Variants in LRP1B observed in about 807,000 individuals in gnomAD.
The protein encoded by LRP1B is low-density lipoprotein receptor-related protein 1B.
In LRP1B, 217 loss-of-function variants were observed where a neutral mutation model predicts 556.6. The observed-to-expected ratio is 0.39, with a 90% CI of 0.35 to 0.44. The LOEUF (loss-of-function observed/expected upper bound fraction) is 0.44, where lower values mean the gene tolerates loss of function less well. Among genes scored for constraint, LRP1B ranks in the 20% least tolerant of loss-of-function variants. LRP1B has a pLI of 1.00. For missense variants in LRP1B, 5,053 were observed against 5,620.8 expected, an observed-to-expected ratio of 0.90 and a Z score of 3.23; for synonymous variants, 2,047 against 1,865.8, an observed-to-expected ratio of 1.10 and a Z score of -2.50.
chr2:140,982,386 A>T (rs999285597), intron 17 of LRP1B, 110 bp from the exon 18 acceptor site: 1 of 647,826 alleles, frequency 1.5e-6, no homozygotes, highest in Admixed American at 2.7e-5. Flanking sequence ...ATGTTTCTCT[A>T]TTAAAATAAA....
intron 23 of LRP1B, 135 bp downstream of exon 23, chr2:140,902,785 A>C: frequency 1.1e-6 from 1 of 910,426 alleles, no homozygotes; most frequent in Non-Finnish European, 1.6e-6. Context: ...AGTAGGTCTA[A>C]AATAACACAT....
At chr2:140,660,181 C>G (rs1685041188) in intron 41 of LRP1B, among the ~76,000 whole-genome samples, 1 of 151,742 alleles carries the variant, frequency 6.6e-6, no homozygotes, top group Non-Finnish European at 1.5e-5. Context: ...TTTTTTTCAA[C>G]TTTTAAAGTA....
intron 1 of LRP1B, among the ~76,000 whole-genome samples, chr2:142,081,559 GAGA>G (rs1229788495): frequency 6.6e-6 from 1 of 152,180 alleles, no homozygotes; most frequent in African/African-American, 2.4e-5. Flanking sequence ...ACTCTACCCT[GAGA>G]AGGAGAATTG....
intron 2 of LRP1B, among the ~76,000 whole-genome samples, chr2:141,520,628 G>A (rs1388032537): frequency 6.6e-6 from 1 of 151,914 alleles, no homozygotes; most frequent in Non-Finnish European, 1.5e-5. Context: ...ATGGTAAACG[G>A]GTCGGGAGAG....
chr2:142,032,101 C>T (rs754732873), intron 1 of LRP1B, among the ~76,000 whole-genome samples: 1 of 151,816 alleles, frequency 6.6e-6, no homozygotes, highest in Non-Finnish European at 1.5e-5. Flanking sequence ...TTTCTGAAGC[C>T]ACTCAGTTAG....
chr2:140,271,721 T>G (rs1682470618), intron 85 of LRP1B, among the ~76,000 whole-genome samples: 1 of 151,636 alleles, frequency 6.6e-6, no homozygotes, highest in Non-Finnish European at 1.5e-5. Context: ...AGAGAAGGAG[T>G]GGGTGGTCTC....
chr2:141,266,798 T>A (rs538189375), intron 3 of LRP1B, among the ~76,000 whole-genome samples: 1 of 152,332 alleles, frequency 6.6e-6, no homozygotes, highest in African/African-American at 2.4e-5. Flanking sequence ...CATAATCAAA[T>A]CTGAAGAGAG....
chr2:140,659,570 A>C (rs956170998), intron 41 of LRP1B, among the ~76,000 whole-genome samples: 1 of 152,074 alleles, frequency 6.6e-6, no homozygotes, highest in Non-Finnish European at 1.5e-5. Flanking sequence ...CTTATATTCA[A>C]ACACAGATAT....
intron 84 of LRP1B, among the ~76,000 whole-genome samples, chr2:140,283,621 T>G (rs1448608264): frequency 2.6e-5 from 4 of 151,720 alleles, no homozygotes; most frequent in Non-Finnish European, 4.4e-5. Context: ...ATCAAAAATT[T>G]GATTTGAGTG....
At chr2:141,828,391 A>G (rs1300197791) in intron 1 of LRP1B, among the ~76,000 whole-genome samples, 2 of 152,136 alleles carry the variant, frequency 1.3e-5, no homozygotes, top group African/African-American at 4.8e-5. Context: ...GGGCAGGTAG[A>G]ATATAACAAA....
At chr2:140,428,303 C>T (rs921178072) in intron 66 of LRP1B, among the ~76,000 whole-genome samples, 4 of 152,304 alleles carry the variant, frequency 2.6e-5, no homozygotes, top group East Asian at 1.9e-4. Context: ...CAATTCCTTG[C>T]CTCCACTGCG....
intron 2 of LRP1B, among the ~76,000 whole-genome samples, chr2:141,628,942 C>T (rs1210295360): frequency 1.3e-5 from 2 of 152,184 alleles, no homozygotes; most frequent in East Asian, 1.9e-4. Flanking sequence ...AGCCACTGCA[C>T]CCAGGCTGAA....
At chr2:140,532,163 AT>A (rs1452830433) in intron 47 of LRP1B, among the ~76,000 whole-genome samples, 1 of 152,092 alleles carries the variant, frequency 6.6e-6, no homozygotes, top group Non-Finnish European at 1.5e-5. Flanking sequence ...TTATTGTCTT[AT>A]CCCCATTCCC....
chr2:140,353,865 G>T (rs1466295952), intron 75 of LRP1B, among the ~76,000 whole-genome samples: 1 of 152,042 alleles, frequency 6.6e-6, no homozygotes, highest in Non-Finnish European at 1.5e-5. Flanking sequence ...TCATATATAT[G>T]AAGTGACTAC....
chr2:141,837,449 G>A (rs145862629), intron 1 of LRP1B, among the ~76,000 whole-genome samples: 54 of 151,992 alleles, frequency 3.6e-4, no homozygotes, highest in Middle Eastern at 3.4e-3. Flanking sequence ...CAAATTTTGT[G>A]CCTGTACAAT....
intron 2 of LRP1B, among the ~76,000 whole-genome samples, chr2:141,571,039 C>G (rs554144526): frequency 6.6e-6 from 1 of 151,326 alleles, no homozygotes; most frequent in East Asian, 1.9e-4. Flanking sequence ...GGAGACACAC[C>G]CCGTCCACCA....
At chr2:140,923,637 T>C (rs1433871468) in intron 20 of LRP1B, among the ~76,000 whole-genome samples, 1 of 151,986 alleles carries the variant, frequency 6.6e-6, no homozygotes, top group East Asian at 1.9e-4. Context: ...ACAAAATCTT[T>C]GAAGAATAGC....
chr2:140,322,120 T>TAAATATAGATACA, intron 81 of LRP1B, 32 bp from the exon 82 acceptor site: 1 of 1,594,594 alleles, frequency 6.3e-7, no homozygotes, highest in Non-Finnish European at 8.6e-7. Context: ...AAGAAGTGTG[T>TAAATATAGATACA]AAATATAGAT....
At chr2:140,851,533 T>G in intron 28 of LRP1B, 119 bp downstream of exon 28, 1 of 1,132,692 alleles carries the variant, frequency 8.8e-7, no homozygotes, top group East Asian at 2.6e-5. Context: ...ACCTAAAATA[T>G]TTTTGAAAAC....
Sources: allele counts gnomAD v4.1 joint callset (sites outside exome capture counted in the v4.1 genomes callset), GRCh38; gene constraint gnomAD v4.1.1; transcripts MANE v1.5; gene names NCBI Gene and HGNC (gene_info 2026-07-23, HGNC 2026-07-21).